PPP3CA: variants seen among roughly 807,000 people sequenced by gnomAD.
PPP3CA encodes protein phosphatase 3 catalytic subunit alpha.
In PPP3CA, 14 loss-of-function variants were observed where a neutral mutation model predicts 66.5. The ratio of observed to expected loss-of-function variants is 0.21; its 90% CI spans 0.14 to 0.33. The LOEUF (loss-of-function observed/expected upper bound fraction) is 0.33. PPP3CA is among the 10% of genes least tolerant of loss of function. PPP3CA has a pLI of 1.00. For synonymous variants in PPP3CA, 232 were observed against 226.2 expected (o/e 1.03, Z -0.23); for missense variants, 317 against 639.5 (o/e 0.50, Z 5.44).
chr4:101,085,383 T>A (rs148890733), intron 6 of PPP3CA, among the ~76,000 whole-genome samples: 1 of 152,350 alleles, frequency 6.6e-6, no homozygotes, highest in East Asian at 1.9e-4. Flanking sequence ...TAAGAAAGAA[T>A]AATTTTAAAA....
At chr4:101,195,006 C>T (rs1399945002) in intron 2 of PPP3CA, among the ~76,000 whole-genome samples, 1 of 152,058 alleles carries the variant, frequency 6.6e-6, no homozygotes, top group African/African-American at 2.4e-5. Flanking sequence ...GGAGTGGTGG[C>T]TTATGCCTGT....
chr4:101,267,059 T>G (rs1387538692), intron 1 of PPP3CA, among the ~76,000 whole-genome samples: 1 of 152,232 alleles, frequency 6.6e-6, no homozygotes, highest in Non-Finnish European at 1.5e-5. Context: ...ATTACCAATC[T>G]GCCTCTGCCC....
chr4:101,212,514 G>A (rs1381924701), intron 1 of PPP3CA, among the ~76,000 whole-genome samples: 1 of 152,034 alleles, frequency 6.6e-6, no homozygotes, highest in African/African-American at 2.4e-5. Context: ...ATGGACCCTG[G>A]GCTTAATACC....
chr4:101,254,810 T>C (rs1481912583), intron 1 of PPP3CA, among the ~76,000 whole-genome samples: 1 of 151,862 alleles, frequency 6.6e-6, no homozygotes, highest in Non-Finnish European at 1.5e-5. Context: ...GTCTATAAAT[T>C]GCTTTATTCA....
chr4:101,333,947 C>T (rs918172674), intron 1 of PPP3CA, among the ~76,000 whole-genome samples: 8 of 152,164 alleles, frequency 5.3e-5, no homozygotes, highest in Non-Finnish European at 1.0e-4. Context: ...CCCAAGAACA[C>T]AGTGCAGAGC....
chr4:101,133,906 C>T (rs186318496), intron 2 of PPP3CA, among the ~76,000 whole-genome samples: 1 of 152,136 alleles, frequency 6.6e-6, no homozygotes, highest in African/African-American at 2.4e-5. Context: ...ATATATAGAC[C>T]AATGGAACAG....
intron 1 of PPP3CA, among the ~76,000 whole-genome samples, chr4:101,236,037 A>C (rs924177122): frequency 2.6e-5 from 4 of 152,024 alleles, no homozygotes; most frequent in African/African-American, 9.6e-5. Context: ...GCTCTGAAAA[A>C]AAAAAAGAAA....
At chr4:101,244,283 C>T (rs1391129481) in intron 1 of PPP3CA, among the ~76,000 whole-genome samples, 2 of 152,156 alleles carry the variant, frequency 1.3e-5, no homozygotes, top group Non-Finnish European at 2.9e-5. Flanking sequence ...CCAATGCCTA[C>T]TCTTTACCAC....
intron 8 of PPP3CA, among the ~76,000 whole-genome samples, chr4:101,072,363 C>T (rs1440729531): frequency 2.0e-5 from 3 of 152,128 alleles, no homozygotes; most frequent in Non-Finnish European, 4.4e-5. Flanking sequence ...CACAACAAAG[C>T]TAAGGCAGAA....
chr4:101,236,107 C>T (rs1035017244), intron 1 of PPP3CA, among the ~76,000 whole-genome samples: 3 of 150,612 alleles, frequency 2.0e-5, no homozygotes, highest in Non-Finnish European at 3.0e-5. Context: ...AAAGAACCTA[C>T]GTAACAAATA....
At chr4:101,126,182 T>G (rs1312057129) in intron 2 of PPP3CA, among the ~76,000 whole-genome samples, 1 of 152,216 alleles carries the variant, frequency 6.6e-6, no homozygotes. Flanking sequence ...AAGAGACTAC[T>G]CTTCTCCTAC....
intron 1 of PPP3CA, among the ~76,000 whole-genome samples, chr4:101,217,243 A>C (rs968916653): frequency 6.6e-6 from 1 of 152,112 alleles, no homozygotes; most frequent in African/African-American, 2.4e-5. Context: ...ATGTAAAATA[A>C]GTGTTTATTG....
intron 1 of PPP3CA, among the ~76,000 whole-genome samples, chr4:101,304,835 A>T (rs1182788097): frequency 1.3e-5 from 2 of 152,242 alleles, no homozygotes; most frequent in Non-Finnish European, 2.9e-5. Context: ...AAACAAATTC[A>T]AAAATATCTA....
intron 6 of PPP3CA, among the ~76,000 whole-genome samples, chr4:101,085,388 T>C (rs1010529341): frequency 6.6e-6 from 1 of 152,202 alleles, no homozygotes; most frequent in African/African-American, 2.4e-5. Flanking sequence ...AAGAATAATT[T>C]TAAAATATTT....
chr4:101,109,209 G>C (rs1721570359), intron 2 of PPP3CA, 131 bp from the exon 3 acceptor site: 2 of 896,732 alleles, frequency 2.2e-6, no homozygotes, highest in Non-Finnish European at 3.1e-6. Flanking sequence ...TGCAGAACAA[G>C]AAGTACGACA....
chr4:101,068,878 G>C (rs1728791889), intron 8 of PPP3CA, among the ~76,000 whole-genome samples: 1 of 152,142 alleles, frequency 6.6e-6, no homozygotes, highest in African/African-American at 2.4e-5. Flanking sequence ...AAAGTTATGT[G>C]TTCAAGTCAC....
intron 2 of PPP3CA, among the ~76,000 whole-genome samples, chr4:101,120,235 T>C (rs1282978298): frequency 6.6e-6 from 1 of 152,102 alleles, no homozygotes; most frequent in African/African-American, 2.4e-5. Context: ...ATGAAATATT[T>C]ACTAAATATT....
intron 2 of PPP3CA, among the ~76,000 whole-genome samples, chr4:101,172,951 G>T (rs1192735084): frequency 1.3e-5 from 2 of 152,112 alleles, no homozygotes; most frequent in Non-Finnish European, 2.9e-5. Context: ...CATTAGATTT[G>T]TTTGCACTGA....
At chr4:101,282,109 T>C (rs755403516) in intron 1 of PPP3CA, among the ~76,000 whole-genome samples, 3 of 152,232 alleles carry the variant, frequency 2.0e-5, no homozygotes, top group Non-Finnish European at 4.4e-5. Context: ...TGAAAGTGAC[T>C]TGCAGTTATT....
Sources: allele counts gnomAD v4.1 joint callset (sites outside exome capture counted in the v4.1 genomes callset), GRCh38; gene constraint gnomAD v4.1.1; transcripts MANE v1.5; gene names NCBI Gene and HGNC (gene_info 2026-07-23, HGNC 2026-07-21).